Variants in ACAT1 observed in about 807,000 individuals in gnomAD.
The protein encoded by ACAT1 is acetyl-CoA acetyltransferase 1, also known as acetyl-CoA acetyltransferase, mitochondrial.
Under a neutral mutation model 47.3 loss-of-function variants are expected in ACAT1, and 28 were observed. That is an observed-to-expected ratio of 0.59 (90% CI 0.44 to 0.81). ACAT1 has a LOEUF of 0.81. Ranked by LOEUF, ACAT1 falls within the 30% of genes least tolerant of loss-of-function variation. The pLI is 0.00. For missense variants in ACAT1, 469 were observed against 524.3 expected, an observed-to-expected ratio of 0.89 and a Z score of 1.03; for synonymous variants, 181 against 173.6, an observed-to-expected ratio of 1.04 and a Z score of -0.34.
intron 1 of ACAT1, chr11:108,122,050 T>C (rs2077161013): frequency 5.9e-6 from 2 of 338,238 alleles, no homozygotes; most frequent in Admixed American, 9.5e-5. Context: ...CGAGATTTTC[T>C]TTAAAACATA....
At chr11:108,121,563 C>T (rs1020954601), upstream of ACAT1, 1 of 1,542,440 alleles carries the variant, frequency 6.5e-7, no homozygotes. Flanking sequence ...GGGAGGAGGC[C>T]GCTAGTCTAC....
At position 108,130,906 on chromosome 11, in the gene ACAT1, C is replaced by T. The variant is rs140254949; in HGVS notation, c.73-1001C>T. On this transcript the variant is annotated intron_variant, in intron 1 of 11. Coordinates refer to ENST00000265838, the MANE Select transcript of ACAT1 (RefSeq NM_000019.4). ...CTGGGATTACAGGTGCCCGCTACCA[C>T]GCCTGGCTAATTTTTGTATTTTTAG... is the stretch of plus-strand genomic sequence containing the variant. Among the ~76,000 whole-genome samples, 858 of 152,214 alleles carry T rather than the reference C, an allele frequency of 5.6e-3. 8 individuals carry two copies. Among genetic ancestry groups the T allele is most frequent in the African/African-American group, 0.02 (813 of 41,530 alleles).
intron 1 of ACAT1, chr11:108,129,322 T>C (rs543859743): frequency 6.6e-6 from 1 of 152,348 alleles, no homozygotes; most frequent in South Asian, 2.1e-4. Flanking sequence ...TTTTTGCAAT[T>C]GCAAATTGTG....
At chr11:108,144,459 A>T (rs538934585) in intron 10 of ACAT1, among the ~76,000 whole-genome samples, 1 of 152,290 alleles carries the variant, frequency 6.6e-6, no homozygotes, top group East Asian at 1.9e-4. Flanking sequence ...GTAAATAGTA[A>T]AACTAGAGAC....
At chr11:108,138,201 G>A (rs1377261038) in intron 5 of ACAT1, among the ~76,000 whole-genome samples, 1 of 151,580 alleles carries the variant, frequency 6.6e-6, no homozygotes, top group Non-Finnish European at 1.5e-5. Context: ...TAGCCAGGAT[G>A]GTCTCGATTT....
intron 9 of ACAT1, chr11:108,143,726 A>AC (rs1455904845): frequency 2.7e-6 from 1 of 365,432 alleles, no homozygotes; most frequent in Admixed American, 4.0e-5. Flanking sequence ...AACTATTCTG[A>AC]CAACCAAAAA....
chr11:108,143,332 T>C (rs936403276), intron 9 of ACAT1: 4 of 152,084 alleles, frequency 2.6e-5, no homozygotes, highest in African/African-American at 9.7e-5. Context: ...GTATGATAAA[T>C]AGCAGAAAAT....
intron 5 of ACAT1, chr11:108,136,127 C>T (rs1401100243): frequency 1.5e-6 from 1 of 678,830 alleles, no homozygotes; most frequent in African/African-American, 1.8e-5. Context: ...GAGGTGAGAC[C>T]TGGACACACA....
intron 1 of ACAT1, among the ~76,000 whole-genome samples, chr11:108,124,995 C>A (rs1275749564): frequency 6.6e-6 from 1 of 152,144 alleles, no homozygotes; most frequent in Non-Finnish European, 1.5e-5. Flanking sequence ...TTGCTGGTTT[C>A]ATAACATTTA....
intron 1 of ACAT1, among the ~76,000 whole-genome samples, chr11:108,122,511 G>T (rs555707741): frequency 6.6e-6 from 1 of 152,316 alleles, no homozygotes; most frequent in African/African-American, 2.4e-5. Context: ...AGTTAAGTAG[G>T]GATTGTTGAT....
chr11:108,134,074 C>A, intron 3 of ACAT1, 137 bp downstream of exon 3: 1 of 1,148,294 alleles, frequency 8.7e-7, no homozygotes. Context: ...GTAAAGAAGT[C>A]TTTGTACTAT....
intron 1 of ACAT1, among the ~76,000 whole-genome samples, chr11:108,126,667 G>A (rs889261413): frequency 2.0e-5 from 3 of 152,032 alleles, no homozygotes; most frequent in Admixed American, 6.6e-5. Flanking sequence ...GAGGCAGAGT[G>A]GACGAATTTA....
intron 9 of ACAT1, 170 bp downstream of exon 9, chr11:108,142,720 C>T (rs1221025527): frequency 3.3e-6 from 2 of 608,324 alleles, no homozygotes; most frequent in Non-Finnish European, 6.0e-6. Context: ...GCCTGTACTA[C>T]CATCTACTCG....
chr11:108,135,505 C>T (rs909544237), intron 5 of ACAT1, among the ~76,000 whole-genome samples: 20 of 150,782 alleles, frequency 1.3e-4, no homozygotes, highest in Admixed American at 2.0e-4. Context: ...GCGTAGGCAA[C>T]ATAGCAAGCG....
chr11:108,141,517 G>A (rs1474649358), intron 7 of ACAT1, 88 bp from the exon 8 acceptor site: 2 of 915,854 alleles, frequency 2.2e-6, no homozygotes, highest in Non-Finnish European at 3.5e-6. Context: ...ACAAAGGGAG[G>A]CACAGACTAC....
intron 8 of ACAT1, 79 bp from the exon 9 acceptor site, chr11:108,142,358 C>G: frequency 9.4e-7 from 1 of 1,064,030 alleles, no homozygotes; most frequent in Non-Finnish European, 1.4e-6. Flanking sequence ...GCAGCCCAGG[C>G]AATAGGTATT....
upstream of ACAT1, chr11:108,121,442 C>CA: frequency 2.6e-6 from 2 of 770,776 alleles, no homozygotes; most frequent in Non-Finnish European, 4.3e-6. Context: ...GTCCCAGCGC[C>CA]AGGCTCCGCC....
chr11:108,137,971 G>C (rs1215823332), intron 5 of ACAT1, among the ~76,000 whole-genome samples: 2 of 151,796 alleles, frequency 1.3e-5, no homozygotes, highest in African/African-American at 4.8e-5. Context: ...TTCAGAAGAT[G>C]GTTTTACATG....
At chr11:108,135,802 T>C (rs901960517) in intron 5 of ACAT1, among the ~76,000 whole-genome samples, 1 of 151,608 alleles carries the variant, frequency 6.6e-6, no homozygotes, top group African/African-American at 2.4e-5. Flanking sequence ...CACTCCAACC[T>C]GGGAGATAGA....
Sources: gnomAD v4.1 joint callset for allele counts (sites outside exome capture counted in the v4.1 genomes callset) on GRCh38, gnomAD v4.1.1 for gene constraint, MANE v1.5 for transcripts, NCBI Gene and HGNC (gene_info 2026-07-23, HGNC 2026-07-21) for gene names.